The following KAT2B variants were observed in gnomAD, a reference collection of about 807,000 sequenced individuals.
KAT2B encodes histone acetyltransferase KAT2B.
In KAT2B, 36 loss-of-function variants were observed where a neutral mutation model predicts 105.9. The observed-to-expected ratio is 0.34, with a 90% CI of 0.26 to 0.45. The LOEUF is 0.45. Ranked by LOEUF, KAT2B falls within the 20% of genes least tolerant of loss-of-function variation. The pLI is 1.00. For missense variants in KAT2B, 820 were observed against 1,021.6 expected (o/e 0.80, Z 2.69); for synonymous variants, 397 against 377.9 (o/e 1.05, Z -0.59).
intron 5 of KAT2B, among the ~76,000 whole-genome samples, chr3:20,103,547 C>T (rs537551995): frequency 2.0e-5 from 3 of 151,984 alleles, no homozygotes; most frequent in Non-Finnish European, 4.4e-5. Flanking sequence ...GTAGCTGGGA[C>T]TACAGGCACA....
chr3:20,110,992 A>G (rs1251967440), intron 5 of KAT2B, among the ~76,000 whole-genome samples: 1 of 152,202 alleles, frequency 6.6e-6, no homozygotes, highest in East Asian at 1.9e-4. Flanking sequence ...AGTCCTGAAG[A>G]TCATTATCTT....
chr3:20,116,786 C>G (rs1350598146), intron 7 of KAT2B, among the ~76,000 whole-genome samples: 15 of 152,148 alleles, frequency 9.9e-5, no homozygotes, highest in Admixed American at 9.8e-4. Context: ...GAATTATGAT[C>G]TCCTTTACAT....
rs77335942 is a variant in KAT2B, at chr3:20,140,020, G to C, written c.1861-201G>C. Among the ~76,000 whole-genome samples, 1,150 of 152,186 alleles carry C rather than the reference G, an allele frequency of 7.6e-3. 20 individuals are homozygous for C. The highest frequency in any genetic ancestry group is 0.026 in the African/African-American group (1,095 of 41,510). On this transcript the variant is annotated intron_variant, in intron 12 of 17. Coordinates refer to ENST00000263754, the MANE Select transcript of KAT2B (RefSeq NM_003884.5). Reference sequence around the variant, plus strand: ...TTATTAGGGCCATTTAAAAAATGTTGTCTTGCTTCCTATTTACACAGTTAG... The same window carrying C: ...TTATTAGGGCCATTTAAAAAATGTTCTCTTGCTTCCTATTTACACAGTTAG...
intron 8 of KAT2B, among the ~76,000 whole-genome samples, chr3:20,120,677 AT>A (rs1699292452): frequency 6.6e-6 from 1 of 151,630 alleles, no homozygotes; most frequent in Admixed American, 6.6e-5. Context: ...AGGGTAAAGA[AT>A]TTGGCCATTA....
At chr3:20,122,846 C>T (rs1299928661) in intron 9 of KAT2B, 42 bp downstream of exon 9, 2 of 1,577,724 alleles carry the variant, frequency 1.3e-6, no homozygotes, top group Non-Finnish European at 1.7e-6. Context: ...TAGACCTCTT[C>T]TGCTCTCCTG....
Position 20,050,491 on chromosome 3 carries a change from T to A in KAT2B, c.303+9711T>A, listed in dbSNP as rs181521291. On this transcript the variant is annotated intron_variant, in intron 1 of 17. Transcript: ENST00000263754. ...TGACTTCTATTACCAGAGATTAGTT[T>A]TGTCTGTTCTTAAACTTTACATAAA... Among the ~76,000 whole-genome samples, 189 of 152,326 alleles carry A rather than the reference T, an allele frequency of 1.2e-3. 1 individual carries two copies. The highest frequency in any genetic ancestry group is 2.0e-3 in the Non-Finnish European group (136 of 68,028).
At chr3:20,143,893 A>G (rs1699736958) in intron 13 of KAT2B, among the ~76,000 whole-genome samples, 1 of 152,178 alleles carries the variant, frequency 6.6e-6, no homozygotes, top group Non-Finnish European at 1.5e-5. Flanking sequence ...GAGGCAAGAG[A>G]GGGAGAGGAG....
In KAT2B at chr3:20,147,138, A is replaced by G. The variant is rs552229596; in HGVS notation, c.2119+708A>G. 4.6e-5 allele frequency among the ~76,000 whole-genome samples: 7 copies of G among 152,298 alleles called. No homozygotes were observed. The East Asian group carries it at 1.4e-3, about 29-fold the overall frequency. The stretch of plus-strand genomic sequence containing the variant: ...TTCAAATCCAGGTTCTTTTTAGTAT[A>G]TTTAAGCTTTAATAAACAAAATCAA... On this transcript the variant is annotated intron_variant, in intron 14 of 17. Coordinates refer to ENST00000263754, the MANE Select transcript of KAT2B (RefSeq NM_003884.5).
chr3:20,139,537 G>A (rs775797331), intron 12 of KAT2B, among the ~76,000 whole-genome samples: 20 of 152,042 alleles, frequency 1.3e-4, no homozygotes, highest in Non-Finnish European at 2.5e-4. Context: ...AACTGCTGGC[G>A]ATGGTGCTGA....
chr3:20,040,667 G>T lies in KAT2B; in HGVS notation c.190G>T (p.Ala64Ser). 4 of 1,541,610 alleles carry T rather than the reference G, an allele frequency of 2.6e-6. No individual in the cohort carries two copies. The highest frequency in any genetic ancestry group is 3.5e-6 in the Non-Finnish European group (4 of 1,150,172). Reference protein sequence around the residue: ...PATAVAAAGTAEGPGGGGSAR... With the variant: ...PATAVAAAGTSEGPGGGGSAR... ...GACGGCAGTGGCTGCAGCGGGCACGGCCGAAGGACCGGGAGGCGGTGGCTC... is the reference window on the plus strand; with the variant it reads ...GACGGCAGTGGCTGCAGCGGGCACGTCCGAAGGACCGGGAGGCGGTGGCTC... Residue 64 changes from alanine to serine, a missense_variant, in exon 1 of 18, where the codon GCC becomes TCC. Transcript: ENST00000263754.
At chr3:20,088,871 C>A (rs1698666339) in intron 2 of KAT2B, among the ~76,000 whole-genome samples, 1 of 152,146 alleles carries the variant, frequency 6.6e-6, no homozygotes, top group Non-Finnish European at 1.5e-5. Context: ...TTTACAGTTT[C>A]AGGTCTATAT....
intron 1 of KAT2B, among the ~76,000 whole-genome samples, chr3:20,053,579 T>A (rs545640567): frequency 6.6e-6 from 1 of 152,224 alleles, no homozygotes; most frequent in East Asian, 1.9e-4. Context: ...TATATGAGTG[T>A]TATGAGATCA....
Position 20,132,708 on chromosome 3 carries a change from G to A in KAT2B, c.1750-4234G>A, listed in dbSNP as rs1041874375. Among the ~76,000 whole-genome samples the A allele has an allele frequency of 2.0e-4, 30 of 152,154 alleles. 1 individual carries two copies. The highest frequency in any genetic ancestry group is 6.8e-4 in the African/African-American group (28 of 41,448). On this transcript the variant is annotated intron_variant, in intron 11 of 17. Transcript: ENST00000263754. The stretch of plus-strand genomic sequence containing the variant: ...ACAGCCCTTTCTCACAAGCAACTTG[G>A]AATCTGGAAAAGATTTTTGGAGAGA...
Position 20,040,473 on chromosome 3 carries a change from G to A in KAT2B, c.-5G>A, listed in dbSNP as rs912927441. 9.4e-7 allele frequency: 1 copy of A among 1,067,894 alleles called. No individual in the cohort carries two copies. The highest frequency in any genetic ancestry group is 1.1e-6 in the Non-Finnish European group (1 of 885,226). 66.2% of individuals were successfully genotyped at this position (1,067,894 alleles called of 1,614,324 possible). A position where few individuals can be genotyped will look rare whatever the true frequency, so the allele number is the denominator to read the frequency against. On this transcript the variant is annotated 5_prime_UTR_variant, in exon 1 of 18. Coordinates refer to ENST00000263754, the MANE Select transcript of KAT2B (RefSeq NM_003884.5). ...TCGGCGCCTCCTGCCGTGCTCCGGG[G>A]CGGCATGTCCGAGGCTGGCGGGGCC...
chr3:20,149,446 T>C (rs898031467), intron 17 of KAT2B, among the ~76,000 whole-genome samples: 4 of 133,150 alleles, frequency 3.0e-5, no homozygotes, highest in African/African-American at 1.2e-4. Flanking sequence ...TAGTGAGCTG[T>C]GATTGCACCA....
chr3:20,103,940 G>A (rs939986923), intron 5 of KAT2B, among the ~76,000 whole-genome samples: 1 of 152,110 alleles, frequency 6.6e-6, no homozygotes, highest in African/African-American at 2.4e-5. Context: ...ACTTTTGTGA[G>A]TATTCCATGG....
intron 1 of KAT2B, 98 bp downstream of exon 1, chr3:20,040,878 T>TGCCTCTCGCCTCCC: frequency 2.2e-6 from 3 of 1,353,176 alleles, no homozygotes; most frequent in Admixed American, 3.2e-5. Context: ...TCCCGCCTCC[T>TGCCTCTCGCCTCCC]GCCTCTCGCC....
chr3:20,127,413 AT>A lies in KAT2B; in HGVS notation c.1623-8del. Reference sequence around the variant, plus strand: ...ATAGGTAAAACTTTGACATAATCTTATTCTTTCAGGAAACACAAAACCCTTG... The same window carrying A: ...ATAGGTAAAACTTTGACATAATCTTATCTTTCAGGAAACACAAAACCCTTG... On this transcript the variant is annotated splice_polypyrimidine_tract_variant and intron_variant, in intron 10 of 17. Coordinates refer to ENST00000263754, the MANE Select transcript of KAT2B (RefSeq NM_003884.5). 6.2e-7 allele frequency: 1 copy of A among 1,611,492 alleles called. No homozygotes were observed. The highest frequency in any genetic ancestry group is 8.5e-7 in the Non-Finnish European group (1 of 1,177,758).
chr3:20,042,200 A>T (rs567169512), intron 1 of KAT2B, among the ~76,000 whole-genome samples: 3 of 152,250 alleles, frequency 2.0e-5, no homozygotes, highest in South Asian at 4.1e-4. Context: ...CCACATTCCA[A>T]TTCAGACCTG....
Sources: gnomAD v4.1 joint callset for allele counts (sites outside exome capture counted in the v4.1 genomes callset) on GRCh38, gnomAD v4.1.1 for gene constraint, MANE v1.5 for transcripts, NCBI Gene and HGNC (gene_info 2026-07-23, HGNC 2026-07-21) for gene names.